The following BANK1 variants were observed in gnomAD, a reference collection of about 807,000 sequenced individuals.
BANK1 encodes the protein B-cell scaffold protein with ankyrin repeats.
A neutral mutation model predicts 94.5 loss-of-function variants in BANK1; 95 were observed. The observed-to-expected ratio is 1.00, with a 90% CI of 0.85 to 1.19. The LOEUF (loss-of-function observed/expected upper bound fraction) is 1.19. Among genes scored for constraint, BANK1 ranks in the 50% most tolerant of loss-of-function variants. The pLI is 0.00. For missense variants in BANK1, 987 were observed against 932.2 expected (o/e 1.06, Z -0.77); for synonymous variants, 334 against 308.4 (o/e 1.08, Z -0.87).
intron 9 of BANK1, 101 bp downstream of exon 9, chr4:102,025,610 G>T: frequency 8.7e-7 from 1 of 1,149,980 alleles, no homozygotes. Context: ...GAGCAGATCA[G>T]CTTTTGAAAC....
At chr4:101,829,570 TTTCC>T (rs1553925153) in intron 1 of BANK1, among the ~76,000 whole-genome samples, 1 of 152,036 alleles carries the variant, frequency 6.6e-6, no homozygotes, top group Non-Finnish European at 1.5e-5. Flanking sequence ...TTTTGGCTCG[TTTCC>T]TTATTTATTA....
chr4:101,904,944 GTTA>G, intron 6 of BANK1, among the ~76,000 whole-genome samples: 1 of 152,304 alleles, frequency 6.6e-6, no homozygotes, highest in South Asian at 2.1e-4. Context: ...TCCCTGAATA[GTTA>G]TTTCACAGGT....
At chr4:101,907,586 A>G (rs908772661) in intron 6 of BANK1, among the ~76,000 whole-genome samples, 67 of 152,298 alleles carry the variant, frequency 4.4e-4, no homozygotes, top group African/African-American at 1.6e-3. Context: ...AATAAAGGGT[A>G]TTCAATTAGG....
chr4:102,049,433 G>A (rs756051449), intron 11 of BANK1, among the ~76,000 whole-genome samples: 6 of 152,100 alleles, frequency 3.9e-5, no homozygotes, highest in South Asian at 2.1e-4. Flanking sequence ...CCATCTTACC[G>A]TGGATATGAC....
chr4:102,003,642 G>C (rs1440489625), intron 7 of BANK1, among the ~76,000 whole-genome samples: 4 of 151,954 alleles, frequency 2.6e-5, no homozygotes, highest in African/African-American at 9.7e-5. Flanking sequence ...CCTTTTTTTA[G>C]TCAAGGTGAT....
In BANK1 at chr4:101,936,423, G is replaced by T. The variant is rs1054576902; in HGVS notation, c.1206+18234G>T. ...TATATGTGCGTATGCATGTATACAT[G>T]CATGTATAAGATGTATACATGTTTG... On this transcript the variant is annotated intron_variant, in intron 7 of 16. Coordinates refer to ENST00000322953, the MANE Select transcript of BANK1 (RefSeq NM_017935.5). Among the ~76,000 whole-genome samples, 4 of 149,860 alleles carry T rather than the reference G, an allele frequency of 2.7e-5. No homozygotes were observed. In the East Asian group the frequency reaches 7.9e-4, roughly 30 times the overall value.
At chr4:101,936,375 GCATACATGCATA>G in intron 7 of BANK1, among the ~76,000 whole-genome samples, 1 of 149,382 alleles carries the variant, frequency 6.7e-6, no homozygotes, top group South Asian at 2.1e-4. Context: ...ATATATGTGT[GCATACATGCATA>G]CATGCATGTA....
chr4:102,062,993 TTGCTAA>T, intron 12 of BANK1, 76 bp from the exon 13 acceptor site: 3 of 1,052,348 alleles, frequency 2.9e-6, no homozygotes, highest in South Asian at 2.7e-5. Context: ...AGCATTGGTA[TTGCTAA>T]TAGTAGTTGA....
intron 3 of BANK1, among the ~76,000 whole-genome samples, 185 bp downstream of exon 3, chr4:101,855,374 C>T (rs79709226): frequency 1.3e-5 from 2 of 152,234 alleles, no homozygotes; most frequent in Non-Finnish European, 2.9e-5. Flanking sequence ...CCACCGCATC[C>T]AGCCCACCTG....
intron 7 of BANK1, among the ~76,000 whole-genome samples, chr4:101,929,425 T>A: frequency 6.6e-6 from 1 of 151,778 alleles, no homozygotes; most frequent in Admixed American, 6.6e-5. Context: ...AATTTTAATA[T>A]TTTAAACACT....
intron 1 of BANK1, among the ~76,000 whole-genome samples, chr4:101,818,266 A>T (rs1459975923): frequency 2.0e-5 from 3 of 152,206 alleles, no homozygotes; most frequent in African/African-American, 7.2e-5. Flanking sequence ...CATTGCAATT[A>T]TAAAGAAAAT....
At position 102,030,215 on chromosome 4, in the gene BANK1, G is replaced by T. The variant is rs748567040; in HGVS notation, c.1850G>T (p.Arg617Leu). 1.6e-5 allele frequency: 26 copies of T among 1,611,496 alleles called. No homozygotes were observed. ...IINRPPAPTP[R>L]PTSIPPKEET... ...AATAGACCTCCTGCCCCCACACCCC[G>T]ACCCACAAGTATACCTCCAAAAGAG... Residue 617 changes from arginine (R) to leucine (L), a missense_variant, in exon 10 of 17, where the codon CGA becomes CTA. Arg to Leu is a moderately radical substitution (Grantham distance 102, BLOSUM62 -2). Coordinates refer to ENST00000322953, the MANE Select transcript of BANK1 (RefSeq NM_017935.5).
At chr4:102,007,098 T>TATATA (rs1491251789) in intron 7 of BANK1, among the ~76,000 whole-genome samples, 1 of 75,326 alleles carries the variant, frequency 1.3e-5, no homozygotes, top group African/African-American at 4.5e-5. Flanking sequence ...ATATAATATA[T>TATATA]TTATATATAT....
In BANK1 at chr4:101,885,137, G is replaced by C. The variant is rs985016047; in HGVS notation, c.904-10168G>C. ...TTCGCCATGTTGGCAGGCTAGTCTGGAACGCCTGACCTCAGGTGATCCACC... is the reference window on the plus strand; with the variant it reads ...TTCGCCATGTTGGCAGGCTAGTCTGCAACGCCTGACCTCAGGTGATCCACC... On this transcript the variant is annotated intron_variant, in intron 5 of 16. Transcript: ENST00000322953. Among the ~76,000 whole-genome samples, 2 of 152,308 alleles carry C rather than the reference G, an allele frequency of 1.3e-5. 1 individual carries two copies. Among genetic ancestry groups the C allele is most frequent in the Middle Eastern group, 6.8e-3 (2 of 294 alleles).
At chr4:101,922,230 G>T (rs1723024945) in intron 7 of BANK1, among the ~76,000 whole-genome samples, 2 of 151,764 alleles carry the variant, frequency 1.3e-5, no homozygotes, top group African/African-American at 2.4e-5. Context: ...CAATTACTCA[G>T]AAGTTAGGTT....
chr4:101,860,870 A>C (rs550373598), intron 3 of BANK1, among the ~76,000 whole-genome samples: 1 of 152,366 alleles, frequency 6.6e-6, no homozygotes, highest in South Asian at 2.1e-4. Context: ...ATGCACACAC[A>C]GGAAAGATCT....
intron 11 of BANK1, among the ~76,000 whole-genome samples, chr4:102,049,680 T>C (rs943912735): frequency 6.6e-6 from 1 of 152,150 alleles, no homozygotes; most frequent in African/African-American, 2.4e-5. Context: ...TAGGTAGTTG[T>C]TAAACTGTCT....
intron 14 of BANK1, 74 bp from the exon 15 acceptor site, chr4:102,072,271 T>G: frequency 8.2e-7 from 1 of 1,220,030 alleles, no homozygotes; most frequent in Non-Finnish European, 1.2e-6. Flanking sequence ...AAATCATTTT[T>G]AAGAAGTACT....
intron 7 of BANK1, among the ~76,000 whole-genome samples, chr4:101,941,812 AT>A (rs1278388307): frequency 4.0e-5 from 6 of 151,676 alleles, no homozygotes; most frequent in Non-Finnish European, 8.8e-5. Context: ...CATATTTTTC[AT>A]TTTGACAATT....
Sources: allele counts gnomAD v4.1 joint callset (sites outside exome capture counted in the v4.1 genomes callset), GRCh38; gene constraint gnomAD v4.1.1; transcripts MANE v1.5; gene names NCBI Gene and HGNC (gene_info 2026-07-23, HGNC 2026-07-21).